CLEC9A: variants seen among roughly 807,000 people sequenced by gnomAD.
CLEC9A encodes the protein C-type lectin domain family 9 member A.
A neutral mutation model predicts 30.0 loss-of-function variants in CLEC9A; 24 were observed. The ratio of observed to expected loss-of-function variants is 0.80; its 90% CI spans 0.58 to 1.13. The LOEUF (loss-of-function observed/expected upper bound fraction) is 1.13. Among genes scored for constraint, CLEC9A ranks in the 50% most tolerant of loss-of-function variants. CLEC9A has a pLI of 0.00. For missense variants in CLEC9A, 251 were observed against 280.9 expected (o/e 0.89, Z 0.76); for synonymous variants, 111 against 96.8 (o/e 1.15, Z -0.86).
chr12:10,043,138 A>T, intron 2 of CLEC9A: 1 of 321,208 alleles, frequency 3.1e-6, no homozygotes, highest in Non-Finnish European at 6.1e-6. Flanking sequence ...GGGTCTTATC[A>T]TAAAGCTTTG....
intron 7 of CLEC9A, 151 bp from the exon 8 acceptor site, chr12:10,064,581 T>C (rs2137316526): frequency 4.0e-6 from 3 of 759,034 alleles, no homozygotes; most frequent in South Asian, 4.6e-5. Context: ...CTAAAAAATG[T>C]ATCGGCACTT....
chr12:10,052,422 T>TA (rs1865901142), intron 3 of CLEC9A: 4 of 961,454 alleles, frequency 4.2e-6, no homozygotes, highest in Non-Finnish European at 5.3e-6. Context: ...GGAAACCGGA[T>TA]AAAAAAATGT....
At position 10,030,846 on chromosome 12, in the gene CLEC9A, A is replaced by G. The variant is rs531720085; in HGVS notation, c.-444A>G. Reference sequence around the variant, plus strand: ...GGCCCACAGATGATTAAACCCAGCCATTTATGTGACAATAGCATTTTTATT... The same window carrying G: ...GGCCCACAGATGATTAAACCCAGCCGTTTATGTGACAATAGCATTTTTATT... On this transcript the variant is annotated 5_prime_UTR_variant, in exon 1 of 9. Transcript: ENST00000355819. 5 of 152,368 alleles carry G rather than the reference A, an allele frequency of 3.3e-5. No homozygotes were observed. The East Asian group carries it at 9.6e-4, about 29-fold the overall frequency. 9.4% of individuals were successfully genotyped at this position (152,368 alleles called of 1,614,324 possible).
At position 10,061,225 on chromosome 12, in the gene CLEC9A, C is replaced by T; in HGVS notation, c.271C>T (p.Leu91Phe). ...NFTEWKRSCA[L>F]QMKYCQAFMQ... ...TACAGAATGGAAGAGAAGCTGTGCC[C>T]TTCAGATGAAATATTGCCAAGCCTT... The change falls in exon 6 of 9, where the codon CTT becomes TTT. Residue 91 changes from leucine (L) to phenylalanine (F), a missense_variant. Physicochemically the swap from Leu to Phe is conservative, Grantham distance 22 (BLOSUM62 0). Transcript: ENST00000355819. 1 of 1,611,474 alleles carries T rather than the reference C, an allele frequency of 6.2e-7. No individual in the cohort carries two copies. Among genetic ancestry groups the T allele is most frequent in the Non-Finnish European group, 8.5e-7 (1 of 1,179,190 alleles).
chr12:10,055,143 G>C (rs1298918377), intron 5 of CLEC9A, among the ~76,000 whole-genome samples: 1 of 152,196 alleles, frequency 6.6e-6, no homozygotes, highest in African/African-American at 2.4e-5. Flanking sequence ...GAATTGCCAA[G>C]AGCTTAATCA....
At position 10,057,221 on chromosome 12, in the gene CLEC9A, TA is replaced by T. The variant is rs572471504; in HGVS notation, c.172+2871del. On this transcript the variant is annotated intron_variant, in intron 5 of 8. Transcript: ENST00000355819. The stretch of plus-strand genomic sequence containing the variant: ...GGCTTTGAGTTACAAAAGTCATGTT[TA>T]TTTTTTAATAAATATTCCATTTTGA... Among the ~76,000 whole-genome samples the T allele has an allele frequency of 4.3e-3, 657 of 152,194 alleles. 1 individual carries two copies. The highest frequency in any genetic ancestry group is 0.01 in the Admixed American group (160 of 15,296).
chr12:10,039,812 CTTTATTTA>C (rs538314490), intron 1 of CLEC9A, among the ~76,000 whole-genome samples: 7 of 151,854 alleles, frequency 4.6e-5, no homozygotes, highest in African/African-American at 1.2e-4. Flanking sequence ...ATCACAAGTA[CTTTATTTA>C]TTTATTTATT....
At chr12:10,031,413 G>C (rs1184546848) in intron 1 of CLEC9A, among the ~76,000 whole-genome samples, 2 of 152,184 alleles carry the variant, frequency 1.3e-5, no homozygotes, top group Non-Finnish European at 2.9e-5. Context: ...GAAATCTCCA[G>C]GAGGCCATCC....
intron 5 of CLEC9A, among the ~76,000 whole-genome samples, chr12:10,059,104 G>T (rs757049725): frequency 6.6e-6 from 1 of 151,934 alleles, no homozygotes; most frequent in Non-Finnish European, 1.5e-5. Flanking sequence ...ATCTAATAAT[G>T]ATTAACATAT....
rs115811505 is a variant in CLEC9A at position 10,065,530 on chromosome 12, C to T, written c.624C>T (p.Asn208=). The change falls in exon 9 of 9, where the codon AAC becomes AAT. Residue 208 remains asparagine, a synonymous_variant. Coordinates refer to ENST00000355819, the MANE Select transcript of CLEC9A (RefSeq NM_207345.4). The part of the protein sequence containing the change: ...LLPAERSQSA[N]QVCGYVKSNS... ...CAGCAGAGAGATCCCAGTCAGCTAACCAAGTCTGTGGATACGTGAAAAGCA... is the reference window on the plus strand; with the variant it reads ...CAGCAGAGAGATCCCAGTCAGCTAATCAAGTCTGTGGATACGTGAAAAGCA... 4.9e-4 allele frequency: 784 copies of T among 1,613,878 alleles called. 3 individuals are homozygous for T. In the African/African-American group the frequency reaches 9.3e-3, roughly 19 times the overall value.
chr12:10,041,618 C>G lies in CLEC9A; in HGVS notation c.-165C>G. 1 of 530,578 alleles carries G rather than the reference C, an allele frequency of 1.9e-6. No individual in the cohort carries two copies. The highest frequency in any genetic ancestry group is 1.4e-5 in the South Asian group (1 of 71,824). 32.9% of individuals were successfully genotyped at this position (530,578 alleles called of 1,614,324 possible). A position where few individuals can be genotyped will look rare whatever the true frequency, so the allele number is the denominator to read the frequency against. On this transcript the variant is annotated splice_region_variant and 5_prime_UTR_variant, in exon 2 of 9. Coordinates refer to ENST00000355819, the MANE Select transcript of CLEC9A (RefSeq NM_207345.4). ...CCTGAAGACTGACAACCAGAACATT[C>G]TGGTAAGAAGATTCTTATGTCAAAT...
At chr12:10,039,833 T>C (rs1865775589) in intron 1 of CLEC9A, among the ~76,000 whole-genome samples, 2 of 146,774 alleles carry the variant, frequency 1.4e-5, no homozygotes, top group African/African-American at 5.1e-5. Context: ...TATTTATTTA[T>C]TTATTTGAAA....
intron 1 of CLEC9A, among the ~76,000 whole-genome samples, chr12:10,038,896 A>G (rs1865766847): frequency 6.6e-6 from 1 of 152,256 alleles, no homozygotes; most frequent in South Asian, 2.1e-4. Context: ...GTAATATTTC[A>G]GCTTGGAGAG....
At chr12:10,044,626 A>C (rs1399121809) in intron 2 of CLEC9A, among the ~76,000 whole-genome samples, 2 of 152,208 alleles carry the variant, frequency 1.3e-5, no homozygotes, top group African/African-American at 4.8e-5. Context: ...CTCTATTTAA[A>C]CATCACTTCT....
chr12:10,052,608 C>A, intron 3 of CLEC9A, 22 bp from the exon 4 acceptor site: 1 of 1,561,718 alleles, frequency 6.4e-7, no homozygotes. Context: ...AGTTCTTACA[C>A]CAACCTGCTC....
intron 5 of CLEC9A, chr12:10,060,730 C>A (rs986148008): frequency 1.5e-5 from 3 of 196,902 alleles, no homozygotes; most frequent in South Asian, 1.7e-4. Context: ...AATGATAAAA[C>A]AAAAGGTGCA....
intron 4 of CLEC9A, 140 bp from the exon 5 acceptor site, chr12:10,054,131 T>G: frequency 1.5e-6 from 1 of 669,496 alleles, no homozygotes; most frequent in East Asian, 2.8e-5. Flanking sequence ...TCCTTTTCTT[T>G]TACACATCCC....
At chr12:10,041,777 T>C (rs932683928) in intron 2 of CLEC9A, among the ~76,000 whole-genome samples, 157 bp downstream of exon 2, 4 of 152,246 alleles carry the variant, frequency 2.6e-5, no homozygotes, top group Admixed American at 1.3e-4. Flanking sequence ...AGAACCCAAA[T>C]ATTCAATCCA....
rs554188470 is a variant in CLEC9A at position 10,044,563 on chromosome 12, T to C, written c.-163+2943T>C. Among the ~76,000 whole-genome samples the C allele has an allele frequency of 5.3e-5, 8 of 152,342 alleles. No individual in the cohort carries two copies. In the South Asian group the frequency reaches 1.4e-3, roughly 28 times the overall value. Reference sequence around the variant, plus strand: ...TTTTGCATTTGCTATTTTCTTCTCCTAGAATGCTCTGCCTCCACAACTCCA... The same window carrying C: ...TTTTGCATTTGCTATTTTCTTCTCCCAGAATGCTCTGCCTCCACAACTCCA... On this transcript the variant is annotated intron_variant, in intron 2 of 8. Coordinates refer to ENST00000355819, the MANE Select transcript of CLEC9A (RefSeq NM_207345.4).
Sources: allele counts gnomAD v4.1 joint callset (sites outside exome capture counted in the v4.1 genomes callset), GRCh38; gene constraint gnomAD v4.1.1; transcripts MANE v1.5; gene names NCBI Gene and HGNC (gene_info 2026-07-23, HGNC 2026-07-21).